ZBED6: variants seen among roughly 807,000 people sequenced by gnomAD.
The protein encoded by ZBED6 is zinc finger BED-type containing 6.
ZBED6 carries 40 observed loss-of-function variants against 58.4 expected under a neutral mutation model. That is an observed-to-expected ratio of 0.68 (90% confidence interval 0.53 to 0.89). The LOEUF is 0.89. ZBED6 is among the 40% of genes least tolerant of loss of function. The pLI is 0.00. For missense variants in ZBED6, 1,057 were observed against 1,003.9 expected (o/e 1.05, Z -0.71); for synonymous variants, 439 against 350.6 (o/e 1.25, Z -2.82).
exon 1 of ZBED6, chr1:203,796,544 C>G (rs1481347466): frequency 5.0e-6 from 2 of 398,656 alleles, no homozygotes; most frequent in Admixed American, 4.4e-5. Context: ...TCTTCCAGGC[C>G]TTGGTTCTGG....
intron 10 of ZBED6, among the ~76,000 whole-genome samples, 177 bp downstream of exon 10, chr1:203,838,241 A>T (rs1684982110): frequency 6.6e-6 from 1 of 152,216 alleles, no homozygotes; most frequent in African/African-American, 2.4e-5. Flanking sequence ...GGTAGACACC[A>T]TTGAAAAAAA....
At chr1:203,796,402 C>G in exon 1 of ZBED6, 1 of 399,116 alleles carries the variant, frequency 2.5e-6, no homozygotes, top group Non-Finnish European at 4.4e-6. Context: ...ACCCCTGGCC[C>G]TCAGCGTCGG....
intron 1 of ZBED6, among the ~76,000 whole-genome samples, chr1:203,804,415 G>T (rs1006019569): frequency 3.9e-5 from 6 of 151,922 alleles, no homozygotes; most frequent in African/African-American, 7.3e-5. Context: ...GCCTCCCAAA[G>T]TGCTAGGATT....
exon 1 of ZBED6, chr1:203,798,856 G>C (rs905952489): frequency 6.5e-7 from 1 of 1,536,024 alleles, no homozygotes; most frequent in African/African-American, 1.4e-5. Flanking sequence ...CCTGATTATA[G>C]GTTGCCATCA....
At chr1:203,846,947 G>C (rs1195935244) in intron 11 of ZBED6, among the ~76,000 whole-genome samples, 1 of 151,744 alleles carries the variant, frequency 6.6e-6, no homozygotes, top group Admixed American at 6.6e-5. Flanking sequence ...AGAGGTTGCA[G>C]TGAGCTGAGA....
intron 10 of ZBED6, among the ~76,000 whole-genome samples, chr1:203,838,594 A>T (rs1290732075): frequency 6.6e-6 from 1 of 152,212 alleles, no homozygotes; most frequent in African/African-American, 2.4e-5. Flanking sequence ...CTAGATCATA[A>T]TATAGTCTTT....
chr1:203,842,598 GGGGAGA>G (rs1686740642), intron 11 of ZBED6, among the ~76,000 whole-genome samples: 2 of 151,064 alleles, frequency 1.3e-5, no homozygotes, highest in Non-Finnish European at 3.0e-5. Flanking sequence ...GAGGGAGACC[GGGGAGA>G]GGGGGAGGGG....
intron 3 of ZBED6, among the ~76,000 whole-genome samples, chr1:203,821,114 G>A (rs563388938): frequency 4.9e-4 from 75 of 152,140 alleles, no homozygotes; most frequent in African/African-American, 1.7e-3. Flanking sequence ...TCATGGGGGC[G>A]GTTTCCCCCA....
chr1:203,813,375 T>C (rs890963792), intron 1 of ZBED6, among the ~76,000 whole-genome samples: 10 of 152,276 alleles, frequency 6.6e-5, no homozygotes. Flanking sequence ...CCTGGCTAAA[T>C]TTTAATGGTT....
At chr1:203,846,336 T>C (rs1687904955) in intron 11 of ZBED6, among the ~76,000 whole-genome samples, 2 of 152,184 alleles carry the variant, frequency 1.3e-5, no homozygotes, top group Non-Finnish European at 2.9e-5. Context: ...TTTAGACAGA[T>C]ATAGAACGAT....
chr1:203,810,564 C>T (rs779583915), intron 1 of ZBED6, among the ~76,000 whole-genome samples: 1 of 151,590 alleles, frequency 6.6e-6, no homozygotes, highest in Non-Finnish European at 1.5e-5. Flanking sequence ...GGACCACAGG[C>T]GCCCACCACC....
chr1:203,839,446 AAAG>A (rs762755668), intron 10 of ZBED6, among the ~76,000 whole-genome samples: 2 of 149,978 alleles, frequency 1.3e-5, no homozygotes, highest in Non-Finnish European at 3.0e-5. Flanking sequence ...TTAAATTATT[AAAG>A]AATAGGTGTT....
intron 3 of ZBED6, among the ~76,000 whole-genome samples, chr1:203,820,466 T>TTGTGTGTCTGTGTGTG (rs144962991): frequency 7.3e-6 from 1 of 136,396 alleles, no homozygotes; most frequent in Admixed American, 6.9e-5. Flanking sequence ...ATATCACAAA[T>TTGTGTGTCTGTGTGTG]TATGTGTGTG....
chr1:203,828,454 C>G, intron 4 of ZBED6, 32 bp downstream of exon 4: 1 of 1,574,386 alleles, frequency 6.4e-7, no homozygotes, highest in Non-Finnish European at 8.6e-7. Flanking sequence ...AAAAGAATAT[C>G]AAATGAACAC....
In ZBED6 at chr1:203,829,762, T is replaced by G. The variant is rs781733793; in HGVS notation, c.*3202-18T>G. 1.9e-6 allele frequency: 3 copies of G among 1,613,502 alleles called. No homozygotes were observed. Among genetic ancestry groups the G allele is most frequent in the Admixed American group, 1.7e-5 (1 of 60,010 alleles). On this transcript the variant is annotated intron_variant, in intron 5 of 16. Coordinates refer to ENST00000550078, the Ensembl canonical transcript of ZBED6. ...GCGTATTTTTAATTGTGAATTTGCC[T>G]TAAATGTTGATATATAGATCAGTTT... is the stretch of plus-strand genomic sequence containing the variant.
chr1:203,849,938 C>A (rs1386340445), exon 14 of ZBED6: 1 of 1,613,992 alleles, frequency 6.2e-7, no homozygotes, highest in South Asian at 1.1e-5. Flanking sequence ...CAAAGTCATC[C>A]CAGAAGGTGG....
intron 9 of ZBED6, 113 bp from the exon 10 acceptor site, chr1:203,837,853 T>G (rs952212985): frequency 2.1e-6 from 2 of 939,280 alleles, no homozygotes; most frequent in African/African-American, 3.3e-5. Flanking sequence ...AAACACGCCA[T>G]ATGTATGCAG....
chr1:203,830,189 C>A lies in ZBED6; in HGVS notation c.*3385C>A. On this transcript the variant is annotated 3_prime_UTR_variant, in exon 7 of 17. Coordinates refer to ENST00000550078, the Ensembl canonical transcript of ZBED6. ...AAGTCAAAGAAAATGAAGGAAAAATCTAAGAAGCAAGGTGGTAAGTCATCA... is the reference window on the plus strand; with the variant it reads ...AAGTCAAAGAAAATGAAGGAAAAATATAAGAAGCAAGGTGGTAAGTCATCA... 1.2e-6 allele frequency: 2 copies of A among 1,601,714 alleles called. No individual in the cohort carries two copies. The highest frequency in any genetic ancestry group is 1.7e-6 in the Non-Finnish European group (2 of 1,176,600).
At chr1:203,852,217 A>G in exon 17 of ZBED6, 4 of 1,613,486 alleles carry the variant, frequency 2.5e-6, no homozygotes, top group Non-Finnish European at 2.5e-6. Context: ...ATCCCAAATG[A>G]GCATGAAAAC....
Sources: allele counts gnomAD v4.1 joint callset (sites outside exome capture counted in the v4.1 genomes callset), GRCh38; gene constraint gnomAD v4.1.1; transcripts MANE v1.5; gene names NCBI Gene and HGNC (gene_info 2026-07-23, HGNC 2026-07-21).